The following SGK2 variants were observed in gnomAD, a reference collection of about 807,000 sequenced individuals.
SGK2 encodes serine/threonine-protein kinase Sgk2.
A neutral mutation model predicts 47.5 loss-of-function variants in SGK2; 36 were observed. The ratio of observed to expected loss-of-function variants is 0.76; its 90% CI spans 0.58 to 1.00. The LOEUF is 1.00. Among genes scored for constraint, SGK2 ranks in the 50% least tolerant of loss-of-function variants. SGK2 has a pLI of 0.00. For missense variants in SGK2, 404 were observed against 467.4 expected (o/e 0.86, Z 1.25); for synonymous variants, 157 against 181.9 (o/e 0.86, Z 1.10).
At chr20:43,574,202 C>T (rs966760026) in intron 9 of SGK2, among the ~76,000 whole-genome samples, 1 of 152,192 alleles carries the variant, frequency 6.6e-6, no homozygotes, top group Non-Finnish European at 1.5e-5. Context: ...GTTGCTGAGA[C>T]CTTGCCCCCG....
At chr20:43,583,102 C>A in intron 12 of SGK2, 1 of 1,099,534 alleles carries the variant, frequency 9.1e-7, no homozygotes, top group Non-Finnish European at 1.2e-6. Context: ...TCAAACACTG[C>A]CAATGTTAAT....
intron 7 of SGK2, 120 bp from the exon 8 acceptor site, chr20:43,570,904 T>C: frequency 6.6e-7 from 1 of 1,506,776 alleles, no homozygotes; most frequent in Non-Finnish European, 9.1e-7. Context: ...GCTCTCCTTC[T>C]GCATCTCTGG....
chr20:43,583,281 A>T lies in SGK2; in HGVS notation c.940-1571A>T, dbSNP rs144536670. The T allele has an allele frequency of 5.1e-3, 6,601 of 1,289,792 alleles. 77 individuals carry two copies. The highest frequency in any genetic ancestry group is 0.015 in the South Asian group (1,254 of 81,016). The allele number at this position is 1,289,792 out of a possible 1,614,324, so 79.9% of individuals were successfully genotyped here. On this transcript the variant is annotated intron_variant, in intron 12 of 12. Coordinates refer to ENST00000373100, the MANE Select transcript of SGK2 (RefSeq NM_170693.3). Reference sequence around the variant, plus strand: ...ACTTATACCCTGGAGAGAGAACCATACATGGAATACTAGGCAGAGATGAAT... The same window carrying T: ...ACTTATACCCTGGAGAGAGAACCATTCATGGAATACTAGGCAGAGATGAAT...
At chr20:43,584,782 C>G (rs897270960) in intron 12 of SGK2, 70 bp from the exon 13 acceptor site, 1 of 1,298,012 alleles carries the variant, frequency 7.7e-7, no homozygotes, top group African/African-American at 1.5e-5. Context: ...ACATCCCTCT[C>G]TGAGGATCTG....
rs1239756395 is a variant in SGK2, at chr20:43,572,099, C to A, written c.559C>A (p.Pro187Thr). The A allele has an allele frequency of 6.5e-7, 1 of 1,550,088 alleles. No individual in the cohort carries two copies. Among genetic ancestry groups the A allele is most frequent in the Non-Finnish European group, 8.7e-7 (1 of 1,146,172 alleles). The change falls in exon 9 of 13, where the codon CCT (proline) becomes ACT (threonine). Residue 187 changes from proline to threonine, a missense_variant. By Grantham distance (38) the Pro-to-Thr change is conservative. Coordinates refer to ENST00000373100, the MANE Select transcript of SGK2 (RefSeq NM_170693.3). This position sits in a 1 kb window ranked among gnomAD's most constrained non-coding sequence, Gnocchi z 4.2. The part of the protein sequence containing the change: ...DFGLCKEGVE[P>T]EDTTSTFCGT... Reference sequence around the variant, plus strand: ...TGGCCTCTGCAAGGAAGGTGTAGAGCCTGAAGACACCACATCCACATTCTG... The same window carrying A: ...TGGCCTCTGCAAGGAAGGTGTAGAGACTGAAGACACCACATCCACATTCTG...
chr20:43,567,176 T>C (rs1477499579), intron 3 of SGK2, 59 bp downstream of exon 3: 1 of 1,384,876 alleles, frequency 7.2e-7, no homozygotes, highest in Non-Finnish European at 1.0e-6. Flanking sequence ...CTGGCTCCCC[T>C]TGCCTTGGGA....
intron 1 of SGK2, among the ~76,000 whole-genome samples, chr20:43,561,493 T>C (rs767654729): frequency 6.7e-6 from 1 of 150,088 alleles, no homozygotes; most frequent in Non-Finnish European, 1.5e-5. Context: ...GGGTTCAAGC[T>C]ATTCTCCTGC....
Position 43,569,025 on chromosome 20 carries a change from A to G in SGK2, c.229-360A>G, listed in dbSNP as rs556248857. Among the ~76,000 whole-genome samples the G allele has an allele frequency of 1.2e-4, 19 of 152,308 alleles. No homozygotes were observed. In the South Asian group the frequency reaches 3.9e-3, roughly 32 times the overall value. On this transcript the variant is annotated intron_variant, in intron 5 of 12. Coordinates refer to ENST00000373100, the MANE Select transcript of SGK2 (RefSeq NM_170693.3). ...GGTGCGACATCCAGGAAGAGGAAAT[A>G]GCATGAGCAAATACATGAATATGGA...
chr20:43,581,165 G>A (rs1006758943), intron 12 of SGK2, among the ~76,000 whole-genome samples: 7 of 152,082 alleles, frequency 4.6e-5, no homozygotes, highest in Non-Finnish European at 8.8e-5. Context: ...GTGAGCCACC[G>A]TGCCTGGCCT....
At chr20:43,567,230 A>C in intron 3 of SGK2, 113 bp downstream of exon 3, 3 of 870,542 alleles carry the variant, frequency 3.4e-6, no homozygotes, top group Admixed American at 2.0e-5. Flanking sequence ...ACTGTCTGCC[A>C]TCTGGGCCCA....
At chr20:43,571,746 G>A (rs1271199803) in intron 8 of SGK2, among the ~76,000 whole-genome samples, 1 of 152,208 alleles carries the variant, frequency 6.6e-6, no homozygotes, top group Non-Finnish European at 1.5e-5. Context: ...GCCACAAGGT[G>A]TGATTGCTTT....
Position 43,569,521 on chromosome 20 carries a change from G to T in SGK2, c.360+5G>T. On this transcript the variant is annotated splice_donor_5th_base_variant and intron_variant, in intron 6 of 12. Transcript: ENST00000373100. ...GACTATGTCAACGGGGGAGAGGTGGGTGGGCCCACAGGGAGGCTTCCCTGG... is the reference window on the plus strand; with the variant it reads ...GACTATGTCAACGGGGGAGAGGTGGTTGGGCCCACAGGGAGGCTTCCCTGG... 6.2e-7 allele frequency: 1 copy of T among 1,612,228 alleles called. No homozygotes were observed.
intron 11 of SGK2, among the ~76,000 whole-genome samples, chr20:43,577,347 CTTTTT>C (rs924498448): frequency 8.2e-6 from 1 of 122,118 alleles, no homozygotes; most frequent in Non-Finnish European, 1.7e-5. Flanking sequence ...ACTGCATCTG[CTTTTT>C]TTTTTTTTTT....
Position 43,584,960 on chromosome 20 carries a change from A to G in SGK2, c.1048A>G (p.Ser350Gly), listed in dbSNP as rs747250493. The G allele has an allele frequency of 1.2e-6, 2 of 1,614,028 alleles. No homozygotes were observed. The highest frequency in any genetic ancestry group is 2.2e-5 in the South Asian group (2 of 91,086). The part of the protein sequence containing the change: ...DTVASSSGAS[S>G]AFLGFSYAPE... ...TGTGGCCAGCAGCTCTGGGGCCTCA[A>G]GTGCATTCCTGGGATTTTCTTATGC... is the stretch of plus-strand genomic sequence containing the variant. Residue 350 changes from serine to glycine, a missense_variant, in exon 13 of 13, where the codon AGT becomes GGT. Ser to Gly is a moderately conservative substitution (Grantham distance 56, BLOSUM62 0). Coordinates refer to ENST00000373100, the MANE Select transcript of SGK2 (RefSeq NM_170693.3).
At chr20:43,561,032 G>A (rs1388399350) in intron 1 of SGK2, among the ~76,000 whole-genome samples, 1 of 152,202 alleles carries the variant, frequency 6.6e-6, no homozygotes, top group Non-Finnish European at 1.5e-5. Flanking sequence ...TAACCATCCT[G>A]GTTGGCCCAG....
At chr20:43,574,194 T>C (rs989344591) in intron 9 of SGK2, among the ~76,000 whole-genome samples, 1 of 152,190 alleles carries the variant, frequency 6.6e-6, no homozygotes, top group African/African-American at 2.4e-5. Context: ...CTTTTCCTGT[T>C]GCTGAGACCT....
rs73620604 is a variant in SGK2, at chr20:43,572,570, G to A, written c.597+433G>A. Among the ~76,000 whole-genome samples, 11 of 152,186 alleles carry A rather than the reference G, an allele frequency of 7.2e-5. No homozygotes were observed. The highest frequency in any genetic ancestry group is 1.4e-4 in the African/African-American group (6 of 41,514). The stretch of plus-strand genomic sequence containing the variant: ...CGGGCACCTATAGTCCCAGCTACTC[G>A]GGAGGCTGAGGCAGGAGAATCGCTT... On this transcript the variant is annotated intron_variant, in intron 9 of 12. Transcript: ENST00000373100. This position sits in a 1 kb window ranked among gnomAD's most constrained non-coding sequence, Gnocchi z 4.2.
At chr20:43,563,675 G>C (rs573937179) in intron 1 of SGK2, among the ~76,000 whole-genome samples, 86 of 152,326 alleles carry the variant, frequency 5.6e-4, no homozygotes, top group African/African-American at 1.9e-3. Context: ...AGTGCTCTGT[G>C]GTGGGACACT....
chr20:43,566,207 TGAAAA>T (rs1188952628), intron 1 of SGK2: 5 of 857,422 alleles, frequency 5.8e-6, no homozygotes, highest in Admixed American at 4.8e-5. Context: ...CCCCAGTTCT[TGAAAA>T]GAATCAGCCT....
Sources: gnomAD v4.1 joint callset for allele counts (sites outside exome capture counted in the v4.1 genomes callset) on GRCh38, gnomAD v4.1.1 for gene constraint, Gnocchi (gnomAD v3.1) non-coding constraint, MANE v1.5 for transcripts, NCBI Gene and HGNC (gene_info 2026-07-23, HGNC 2026-07-21) for gene names.